TMEM131L: variants seen among roughly 807,000 people sequenced by gnomAD.
TMEM131L encodes transmembrane 131 like.
Under a neutral mutation model 192.2 loss-of-function variants are expected in TMEM131L, and 54 were observed. That is an observed-to-expected ratio of 0.28 (90% confidence interval 0.23 to 0.35). The LOEUF is 0.35. Ranked by LOEUF, TMEM131L falls within the 10% of genes least tolerant of loss-of-function variation. The probability of loss-of-function intolerance (pLI) is 1.00; values close to 1 mark genes in which losing one functional copy is unlikely to be tolerated. For missense variants in TMEM131L, 1,888 were observed against 1,972.9 expected, an observed-to-expected ratio of 0.96 and a Z score of 0.82; for synonymous variants, 701 against 704.9, an observed-to-expected ratio of 0.99 and a Z score of 0.09.
chr4:153,498,325 A>G (rs947585712), intron 3 of TMEM131L, among the ~76,000 whole-genome samples: 5 of 152,218 alleles, frequency 3.3e-5, no homozygotes, highest in African/African-American at 1.2e-4. Flanking sequence ...ACTTACGGAC[A>G]GAGAGGCAGG....
chr4:153,633,208 T>C (rs1264752546), intron 32 of TMEM131L: 1 of 164,578 alleles, frequency 6.1e-6, no homozygotes, highest in African/African-American at 2.7e-5. Flanking sequence ...TAACGTTGTA[T>C]TTATTCGTTT....
At chr4:153,564,385 G>A (rs908188582) in intron 7 of TMEM131L, among the ~76,000 whole-genome samples, 10 of 151,268 alleles carry the variant, frequency 6.6e-5, no homozygotes, top group African/African-American at 2.2e-4. Context: ...TGCCATCTAG[G>A]AGGAACCAGC....
chr4:153,580,930 C>T (rs776900272), intron 8 of TMEM131L, 27 bp downstream of exon 8: 117 of 1,425,616 alleles, frequency 8.2e-5, no homozygotes, highest in Non-Finnish European at 1.1e-4. Context: ...AGTGTTTTCT[C>T]TCTGCTTTCC....
Position 153,612,267 on chromosome 4 carries a change from T to C in TMEM131L, c.3434T>C (p.Val1145Ala). ...TTTATTAAAGGGAATAACCAGCAAG[T>C]ACCTGTCAAGAATGAAGTAGATCAT... Reference protein sequence around the residue: ...SRKNNGNNQQVPVKNEVDHCE... With the variant: ...SRKNNGNNQQAPVKNEVDHCE... The change falls in exon 26 of 35, where the codon GTA becomes GCA. Residue 1145 changes from valine to alanine, a missense_variant. Physicochemically the swap from Val to Ala is moderately conservative, Grantham distance 64. Transcript: ENST00000409959. 1 of 1,563,116 alleles carries C rather than the reference T, an allele frequency of 6.4e-7. No individual in the cohort carries two copies. Among genetic ancestry groups the C allele is most frequent in the South Asian group, 1.3e-5 (1 of 78,128 alleles).
At chr4:153,527,101 C>A (rs1312258978) in intron 3 of TMEM131L, among the ~76,000 whole-genome samples, 1 of 152,110 alleles carries the variant, frequency 6.6e-6, no homozygotes, top group Non-Finnish European at 1.5e-5. Context: ...TTTTCAGTTG[C>A]ACTTCTGACA....
chr4:153,532,888 G>A (rs563832451), intron 3 of TMEM131L, among the ~76,000 whole-genome samples: 71 of 152,078 alleles, frequency 4.7e-4, no homozygotes, highest in Non-Finnish European at 8.1e-4. Context: ...GCTAGCTGAC[G>A]CATTAAAGGA....
At chr4:153,598,463 A>AT (rs1416900519) in intron 20 of TMEM131L, 127 bp from the exon 21 acceptor site, 1 of 846,782 alleles carries the variant, frequency 1.2e-6, no homozygotes, top group African/African-American at 1.7e-5. Context: ...ATTTAAATTG[A>AT]TTTTCTTTTT....
chr4:153,531,221 T>C (rs1735878130), intron 3 of TMEM131L, among the ~76,000 whole-genome samples: 2 of 152,210 alleles, frequency 1.3e-5, no homozygotes, highest in African/African-American at 2.4e-5. Flanking sequence ...ATTCCTAGGC[T>C]CTATCCCTAG....
intron 7 of TMEM131L, among the ~76,000 whole-genome samples, chr4:153,576,908 ATCAGC>A (rs1561207065): frequency 6.6e-6 from 1 of 152,134 alleles, no homozygotes; most frequent in African/African-American, 2.4e-5. Context: ...CTATCCACTC[ATCAGC>A]TGTTTATTGA....
At chr4:153,496,466 C>G (rs1338381630) in intron 3 of TMEM131L, among the ~76,000 whole-genome samples, 1 of 152,232 alleles carries the variant, frequency 6.6e-6, no homozygotes, top group Non-Finnish European at 1.5e-5. Flanking sequence ...TTTCAGTAAT[C>G]TAAGTCCCCT....
chr4:153,511,066 A>C (rs1734321713), intron 3 of TMEM131L, among the ~76,000 whole-genome samples: 2 of 152,242 alleles, frequency 1.3e-5, no homozygotes, highest in Non-Finnish European at 2.9e-5. Context: ...TGTGGAAAGC[A>C]GTGTGGTGAT....
intron 7 of TMEM131L, among the ~76,000 whole-genome samples, chr4:153,563,476 T>G (rs1728980267): frequency 7.2e-6 from 1 of 139,580 alleles, no homozygotes; most frequent in Non-Finnish European, 1.6e-5. Context: ...TTTTTTTTTT[T>G]TTTTTTTTTG....
chr4:153,524,247 G>A (rs1735322549), intron 3 of TMEM131L, among the ~76,000 whole-genome samples: 1 of 151,758 alleles, frequency 6.6e-6, no homozygotes, highest in African/African-American at 2.4e-5. Flanking sequence ...TCCCTTCCAG[G>A]GCATGTAGCC....
At chr4:153,635,924 G>A (rs1185352620) in intron 34 of TMEM131L, among the ~76,000 whole-genome samples, 2 of 152,136 alleles carry the variant, frequency 1.3e-5, no homozygotes, top group Admixed American at 1.3e-4. Flanking sequence ...ACCGATACGA[G>A]ATGAAAGTCC....
rs574925347 is a variant in TMEM131L, at chr4:153,535,330, G to A, written c.240-14743G>A. 1.2e-4 allele frequency among the ~76,000 whole-genome samples: 18 copies of A among 152,232 alleles called. No homozygotes were observed. The East Asian group carries it at 1.9e-3, about 16-fold the overall frequency. On this transcript the variant is annotated intron_variant, in intron 3 of 34. Coordinates refer to ENST00000409959, the MANE Select transcript of TMEM131L (RefSeq NM_001131007.2). ...CTGTTGAGTTTTGGGATGTCTTTTC[G>A]ACATTCCAGAGCACATGTGGATGGG...
chr4:153,619,866 A>G (rs1733265479), intron 26 of TMEM131L, among the ~76,000 whole-genome samples: 1 of 152,176 alleles, frequency 6.6e-6, no homozygotes, highest in South Asian at 2.1e-4. Context: ...TTCTGGATCT[A>G]GGGAATTTGC....
chr4:153,591,173 A>G lies in TMEM131L; in HGVS notation c.1791A>G (p.Ala597=). The G allele has an allele frequency of 6.2e-7, 1 of 1,607,240 alleles. No individual in the cohort carries two copies. Among genetic ancestry groups the G allele is most frequent in the African/African-American group, 1.3e-5 (1 of 74,716 alleles). Residue 597 remains alanine, a synonymous_variant, in exon 17 of 35, where the codon GCA becomes GCG. Coordinates refer to ENST00000409959, the MANE Select transcript of TMEM131L (RefSeq NM_001131007.2). ...AEPGLMLNFS[A]TALRSRMIKY... is the part of the protein sequence containing the mutation. The stretch of plus-strand genomic sequence containing the variant: ...CTGGCCTCATGTTAAACTTCAGCGC[A>G]ACTGCCCTTAGGAGCAGGATGGTGA...
At chr4:153,602,105 A>C (rs1211482523) in intron 21 of TMEM131L, 47 bp from the exon 22 acceptor site, 2 of 1,098,744 alleles carry the variant, frequency 1.8e-6, no homozygotes, top group African/African-American at 1.6e-5. Flanking sequence ...TTTTAAATAA[A>C]TTTTATAGTT....
intron 19 of TMEM131L, among the ~76,000 whole-genome samples, chr4:153,595,138 A>C (rs1434100678): frequency 6.6e-6 from 1 of 152,234 alleles, no homozygotes; most frequent in Non-Finnish European, 1.5e-5. Flanking sequence ...AGTTAATATC[A>C]GTGCCTTGAA....
Sources: allele counts gnomAD v4.1 joint callset (sites outside exome capture counted in the v4.1 genomes callset), GRCh38; gene constraint gnomAD v4.1.1; transcripts MANE v1.5; gene names NCBI Gene and HGNC (gene_info 2026-07-23, HGNC 2026-07-21).